PRTG: variants seen among roughly 807,000 people sequenced by gnomAD.
PRTG encodes immunoglobulin superfamily, DCC subclass, member 5.
In PRTG, 67 loss-of-function variants were observed where a neutral mutation model predicts 122.5. The observed-to-expected ratio is 0.55, with a 90% CI of 0.45 to 0.67. PRTG has a LOEUF of 0.67. Ranked by LOEUF, PRTG falls within the 30% of genes least tolerant of loss-of-function variation. PRTG has a pLI of 0.00. For synonymous variants in PRTG, 554 were observed against 501.1 expected (o/e 1.11, Z -1.41); for missense variants, 1,435 against 1,415.4 (o/e 1.01, Z -0.22).
intron 11 of PRTG, among the ~76,000 whole-genome samples, chr15:55,660,442 CT>C (rs2059403976): frequency 6.6e-6 from 1 of 152,168 alleles, no homozygotes; most frequent in Admixed American, 6.5e-5. Flanking sequence ...TCACCAGAAA[CT>C]TCCAGAGTGG....
intron 11 of PRTG, among the ~76,000 whole-genome samples, chr15:55,653,111 AT>A (rs2059361785): frequency 6.6e-6 from 1 of 152,210 alleles, no homozygotes; most frequent in South Asian, 2.1e-4. Context: ...AATGATGACT[AT>A]GTCAAAATGT....
intron 11 of PRTG, among the ~76,000 whole-genome samples, chr15:55,666,007 G>A (rs1347547716): frequency 6.6e-6 from 1 of 152,234 alleles, no homozygotes; most frequent in Non-Finnish European, 1.5e-5. Flanking sequence ...CTGTGCTGCA[G>A]TAGCAGAGTT....
chr15:55,612,418 T>C lies in PRTG; in HGVS notation c.*7594A>G, dbSNP rs1036974079. On this transcript the variant is annotated 3_prime_UTR_variant, in exon 20 of 20. Coordinates refer to ENST00000389286, the MANE Select transcript of PRTG (RefSeq NM_173814.6). Reference sequence around the variant, plus strand: ...CTGCAAAGCTGTTCAGAATAGTATATGGATAAGAAAAAAGGGAAAATATTT... The same window carrying C: ...CTGCAAAGCTGTTCAGAATAGTATACGGATAAGAAAAAAGGGAAAATATTT... 5 of 151,712 alleles carry C rather than the reference T, an allele frequency of 3.3e-5. No individual in the cohort carries two copies. Among genetic ancestry groups the C allele is most frequent in the African/African-American group, 1.2e-4 (5 of 41,266 alleles). The allele number at this position is 151,712 out of a possible 1,614,324, so 9.4% of individuals were successfully genotyped here. A position where few individuals can be genotyped will look rare whatever the true frequency, so the allele number is the denominator to read the frequency against.
chr15:55,700,916 G>A (rs183688463), intron 2 of PRTG, among the ~76,000 whole-genome samples: 346 of 152,202 alleles, frequency 2.3e-3, no homozygotes, highest in Middle Eastern at 0.017. Context: ...TATACACAAC[G>A]CTCAAAACTT....
At chr15:55,691,264 C>T (rs2059599459) in intron 2 of PRTG, among the ~76,000 whole-genome samples, 1 of 146,982 alleles carries the variant, frequency 6.8e-6, no homozygotes, top group Non-Finnish European at 1.5e-5. Flanking sequence ...CCACTGCACT[C>T]CAGCCTGGGA....
At chr15:55,718,361 T>A (rs2030678836) in intron 2 of PRTG, among the ~76,000 whole-genome samples, 1 of 152,092 alleles carries the variant, frequency 6.6e-6, no homozygotes, top group Non-Finnish European at 1.5e-5. Context: ...ATGAAACTCA[T>A]CCCAAATCTT....
At chr15:55,713,772 G>A (rs1031406380) in intron 2 of PRTG, among the ~76,000 whole-genome samples, 1 of 151,764 alleles carries the variant, frequency 6.6e-6, no homozygotes, top group South Asian at 2.1e-4. Context: ...TCATTGATTT[G>A]TATGAGTTCT....
At position 55,624,371 on chromosome 15, in the gene PRTG, T is replaced by A; in HGVS notation, c.3064A>T (p.Ile1022Phe). The change falls in exon 18 of 20, where the codon ATC (isoleucine) becomes TTC (phenylalanine). Residue 1022 changes from isoleucine (I) to phenylalanine (F), a missense_variant. By Grantham distance (21) the Ile-to-Phe change is conservative. Transcript: ENST00000389286. ...VGNEESLMPM[I>F]MPNSFIDAKG... Reference sequence around the variant, plus strand: ...GCATCAATGAAGCTGTTTGGCATGATCATTGGCATTAAAGATTCTTCATTT... The same window carrying A: ...GCATCAATGAAGCTGTTTGGCATGAACATTGGCATTAAAGATTCTTCATTT... 3.1e-6 allele frequency: 5 copies of A among 1,614,154 alleles called. No homozygotes were observed. Among genetic ancestry groups the A allele is most frequent in the Non-Finnish European group, 4.2e-6 (5 of 1,180,008 alleles).
Position 55,716,251 on chromosome 15 carries a change from C to CA in PRTG, c.397+24130dup, listed in dbSNP as rs763378820. Among the ~76,000 whole-genome samples the CA allele has an allele frequency of 1.4e-3, 210 of 152,020 alleles. 1 individual carries two copies. The highest frequency in any genetic ancestry group is 7.6e-3 in the Admixed American group (116 of 15,262). ...GTCTCAAAAACAGAAAACAAACAAACAACAACAACAACAACAAAACAATCA... is the reference window on the plus strand; with the variant it reads ...GTCTCAAAAACAGAAAACAAACAAACAAACAACAACAACAACAAAACAATCA... On this transcript the variant is annotated intron_variant, in intron 2 of 19. Coordinates refer to ENST00000389286, the MANE Select transcript of PRTG (RefSeq NM_173814.6).
chr15:55,620,579 G>A, intron 19 of PRTG, 84 bp downstream of exon 19: 1 of 1,490,752 alleles, frequency 6.7e-7, no homozygotes, highest in Non-Finnish European at 8.9e-7. Context: ...TTAAAATAAA[G>A]CATGAATTCA....
chr15:55,642,198 AAAAAAT>A (rs1241135154), intron 11 of PRTG, among the ~76,000 whole-genome samples: 5 of 150,748 alleles, frequency 3.3e-5, no homozygotes, highest in African/African-American at 1.2e-4. Flanking sequence ...AAAAAAAAAA[AAAAAAT>A]AGTTATACAT....
intron 11 of PRTG, chr15:55,656,499 C>A (rs1485079570): frequency 5.6e-6 from 2 of 358,534 alleles, no homozygotes; most frequent in Admixed American, 7.5e-5. Context: ...CTTTCCTAAC[C>A]CAGAGCAGTG....
intron 15 of PRTG, among the ~76,000 whole-genome samples, chr15:55,630,477 C>T (rs917095118): frequency 5.3e-5 from 8 of 152,148 alleles, no homozygotes; most frequent in African/African-American, 9.7e-5. Flanking sequence ...TGCACAGTTA[C>T]GCAGGAACCT....
intron 2 of PRTG, among the ~76,000 whole-genome samples, chr15:55,731,552 G>C (rs1176297605): frequency 6.6e-6 from 1 of 151,594 alleles, no homozygotes; most frequent in Non-Finnish European, 1.5e-5. Context: ...TGTATTTTTA[G>C]TAGAGATGGG....
intron 11 of PRTG, among the ~76,000 whole-genome samples, chr15:55,667,906 T>C (rs992698083): frequency 1.3e-5 from 2 of 152,020 alleles, no homozygotes; most frequent in Non-Finnish European, 1.5e-5. Flanking sequence ...GGCAACAGAA[T>C]GAAACCCCGT....
chr15:55,735,721 A>G (rs1191957705), intron 2 of PRTG, among the ~76,000 whole-genome samples: 2 of 144,328 alleles, frequency 1.4e-5, no homozygotes, highest in African/African-American at 5.6e-5. Flanking sequence ...GCTTTGCTAA[A>G]AAAAAAAAAA....
At chr15:55,645,845 T>C (rs1051135219) in intron 11 of PRTG, among the ~76,000 whole-genome samples, 6 of 151,954 alleles carry the variant, frequency 3.9e-5, no homozygotes, top group Non-Finnish European at 7.4e-5. Context: ...TATGTGGTTT[T>C]TGGGGGAAAA....
chr15:55,680,543 C>G lies in PRTG; in HGVS notation c.762G>C (p.Leu254Phe). 2 of 1,602,392 alleles carry G rather than the reference C, an allele frequency of 1.2e-6. No individual in the cohort carries two copies. Among genetic ancestry groups the G allele is most frequent in the Non-Finnish European group, 1.7e-6 (2 of 1,174,108 alleles). Residue 254 changes from leucine (L) to phenylalanine (F), a missense_variant, in exon 5 of 20, where the codon TTG becomes TTC. Transcript: ENST00000389286. ...ITTSLHQTVV[L>F]ECMATGNPKP... is the part of the protein sequence containing the mutation. ...TGGGATTTCCTGTGGCCATGCATTC[C>G]AAAACTACAGTCTGATGAAGAGATG...
Position 55,680,612 on chromosome 15 carries a change from G to T in PRTG, c.693C>A (p.Ser231=). The change falls in exon 5 of 20, where the codon TCC becomes TCA. Residue 231 remains serine, a synonymous_variant. Transcript: ENST00000389286. ...LTVIPAKESK[S]FHTPTIIAGP... is the part of the protein sequence containing the mutation. The stretch of plus-strand genomic sequence containing the variant: ...CTGCTATAATTGTTGGTGTGTGGAA[G>T]GATTTTGACTCCTTAGCTTTGGGGA... The T allele has an allele frequency of 6.5e-7, 1 of 1,544,736 alleles. No individual in the cohort carries two copies. The highest frequency in any genetic ancestry group is 8.7e-7 in the Non-Finnish European group (1 of 1,143,364).
Sources: allele counts gnomAD v4.1 joint callset (sites outside exome capture counted in the v4.1 genomes callset), GRCh38; gene constraint gnomAD v4.1.1; transcripts MANE v1.5; gene names NCBI Gene and HGNC (gene_info 2026-07-23, HGNC 2026-07-21).